Variants in STAU2 observed in about 807,000 individuals in gnomAD.
The protein encoded by STAU2 is staufen double-stranded RNA binding protein 2.
STAU2 carries 20 observed loss-of-function variants against 65.9 expected under a neutral mutation model. That is an observed-to-expected ratio of 0.30 (90% CI 0.21 to 0.44). STAU2 has a LOEUF of 0.44. Ranked by LOEUF, STAU2 falls within the 20% of genes least tolerant of loss-of-function variation. STAU2 has a pLI of 1.00. For missense variants in STAU2, 558 were observed against 683.9 expected, an observed-to-expected ratio of 0.82 and a Z score of 2.05; for synonymous variants, 232 against 233.9, an observed-to-expected ratio of 0.99 and a Z score of 0.07.
chr8:73,425,130 C>T (rs1391304037), intron 13 of STAU2, among the ~76,000 whole-genome samples: 1 of 152,134 alleles, frequency 6.6e-6, no homozygotes, highest in Non-Finnish European at 1.5e-5. Flanking sequence ...TTGTGCTCTT[C>T]CCCCAAATTC....
intron 13 of STAU2, among the ~76,000 whole-genome samples, chr8:73,460,983 C>G (rs921875306): frequency 6.6e-6 from 1 of 152,156 alleles, no homozygotes; most frequent in Admixed American, 6.6e-5. Flanking sequence ...TCTCCTCTCT[C>G]CACACTATTT....
At chr8:73,523,469 T>TTA (rs768672271) in intron 13 of STAU2, among the ~76,000 whole-genome samples, 7 of 152,068 alleles carry the variant, frequency 4.6e-5, no homozygotes, top group Non-Finnish European at 8.8e-5. Flanking sequence ...AATTTACCCT[T>TTA]TTTAGAGTGT....
chr8:73,694,771 T>C (rs562049644), intron 4 of STAU2, among the ~76,000 whole-genome samples: 3 of 152,228 alleles, frequency 2.0e-5, no homozygotes, highest in African/African-American at 7.2e-5. Flanking sequence ...CCATGTGGCG[T>C]GGAGAGAAAA....
At chr8:73,677,601 C>A (rs1456943083) in intron 5 of STAU2, among the ~76,000 whole-genome samples, 1 of 152,122 alleles carries the variant, frequency 6.6e-6, no homozygotes, top group Non-Finnish European at 1.5e-5. Context: ...CTGATTCCAA[C>A]AAGAAGGCAC....
At chr8:73,629,495 C>G (rs1031879080) in intron 6 of STAU2, among the ~76,000 whole-genome samples, 1 of 152,040 alleles carries the variant, frequency 6.6e-6, no homozygotes, top group African/African-American at 2.4e-5. Flanking sequence ...TAGAAGGACA[C>G]GTATGTTTTA....
intron 13 of STAU2, among the ~76,000 whole-genome samples, chr8:73,497,896 G>C (rs1393854397): frequency 2.0e-5 from 3 of 151,824 alleles, no homozygotes; most frequent in Admixed American, 6.6e-5. Flanking sequence ...CATCTCACAT[G>C]CTTTGTCAAA....
intron 13 of STAU2, among the ~76,000 whole-genome samples, chr8:73,545,162 CT>C (rs954063832): frequency 4.6e-5 from 7 of 152,166 alleles, no homozygotes; most frequent in African/African-American, 1.4e-4. Flanking sequence ...TCACAATATA[CT>C]ATCTACCACC....
chr8:73,644,925 T>C (rs1815259570), intron 6 of STAU2, among the ~76,000 whole-genome samples: 1 of 152,164 alleles, frequency 6.6e-6, no homozygotes, highest in Non-Finnish European at 1.5e-5. Context: ...AAGTATTCAA[T>C]AAATTGAACT....
At chr8:73,699,860 CAAAAAAA>C (rs201419278) in intron 4 of STAU2, among the ~76,000 whole-genome samples, 7 of 88,880 alleles carry the variant, frequency 7.9e-5, no homozygotes, top group South Asian at 3.9e-4. Flanking sequence ...AAACACACAT[CAAAAAAA>C]AAAAAAAAAA....
At chr8:73,716,421 A>G (rs1226503724) in intron 3 of STAU2, among the ~76,000 whole-genome samples, 2 of 152,174 alleles carry the variant, frequency 1.3e-5, no homozygotes, top group African/African-American at 4.8e-5. Context: ...TGACAGTGCC[A>G]CCATGGTCCT....
chr8:73,470,955 G>T (rs1305576677), intron 13 of STAU2, among the ~76,000 whole-genome samples: 1 of 151,878 alleles, frequency 6.6e-6, no homozygotes, highest in Admixed American at 6.6e-5. Flanking sequence ...ACTTTTTCAG[G>T]GTCTCCCTTT....
At chr8:73,555,359 G>GT (rs1467189107) in intron 12 of STAU2, among the ~76,000 whole-genome samples, 1 of 152,132 alleles carries the variant, frequency 6.6e-6, no homozygotes, top group Non-Finnish European at 1.5e-5. Context: ...GCAAATGCAG[G>GT]TGGAGGCACG....
intron 10 of STAU2, among the ~76,000 whole-genome samples, chr8:73,602,951 G>A (rs528408946): frequency 4.0e-5 from 6 of 151,824 alleles, no homozygotes; most frequent in African/African-American, 1.2e-4. Flanking sequence ...AAGAGAGGGA[G>A]AAGAGAAAAA....
intron 13 of STAU2, among the ~76,000 whole-genome samples, chr8:73,481,469 T>C (rs1159439851): frequency 6.8e-6 from 1 of 147,184 alleles, no homozygotes; most frequent in Non-Finnish European, 1.5e-5. Context: ...TAGCTTCTGA[T>C]TCTAGAATAA....
intron 13 of STAU2, among the ~76,000 whole-genome samples, chr8:73,479,323 T>C (rs544664477): frequency 1.3e-5 from 2 of 152,274 alleles, no homozygotes; most frequent in African/African-American, 2.4e-5. Flanking sequence ...TGATTATTTC[T>C]GGGTCAACTT....
chr8:73,516,950 C>A (rs934647797), intron 13 of STAU2, among the ~76,000 whole-genome samples: 4 of 152,086 alleles, frequency 2.6e-5, no homozygotes, highest in Non-Finnish European at 4.4e-5. Context: ...AATAATGTAT[C>A]TGGTTTGATT....
chr8:73,436,568 T>TTTTATTTATTTCTTTA (rs1817702110), intron 13 of STAU2, among the ~76,000 whole-genome samples: 1 of 141,416 alleles, frequency 7.1e-6, no homozygotes, highest in Non-Finnish European at 1.5e-5. Context: ...TTTGCCAATT[T>TTTTATTTATTTCTTTA]TTTATTTATT....
At chr8:73,597,648 C>A (rs1420239258) in intron 10 of STAU2, among the ~76,000 whole-genome samples, 11 of 108,896 alleles carry the variant, frequency 1.0e-4, no homozygotes, top group African/African-American at 3.2e-4. Flanking sequence ...CCAGCCTGGG[C>A]GATAGAGTGA....
chr8:73,655,520 T>A (rs1217604638), intron 6 of STAU2, among the ~76,000 whole-genome samples: 3 of 151,972 alleles, frequency 2.0e-5, no homozygotes, highest in African/African-American at 7.2e-5. Context: ...CAAAAATAGA[T>A]ATATTAATTA....
Sources: allele counts gnomAD v4.1 joint callset (sites outside exome capture counted in the v4.1 genomes callset), GRCh38; gene constraint gnomAD v4.1.1; transcripts MANE v1.5; gene names NCBI Gene and HGNC (gene_info 2026-07-23, HGNC 2026-07-21).